Variants in AGPAT4 observed in about 807,000 individuals in gnomAD.
AGPAT4 encodes the protein 1-acylglycerol-3-phosphate O-acyltransferase 4.
AGPAT4 carries 15 observed loss-of-function variants against 48.0 expected under a neutral mutation model. The observed-to-expected ratio is 0.31, with a 90% CI of 0.21 to 0.48. The LOEUF is 0.48. Ranked by LOEUF, AGPAT4 falls within the 20% of genes least tolerant of loss-of-function variation. The pLI is 0.99. For synonymous variants in AGPAT4, 178 were observed against 198.7 expected (o/e 0.90, Z 0.88); for missense variants, 314 against 482.5 (o/e 0.65, Z 3.27).
Position 161,131,220 on chromosome 6 carries a change from C to G in AGPAT4, c.*5320G>C. ...AGTGAAAAGCTTTACTAACACAGCC[C>G]TGGGTGCTATTTCCAGATACTGAAA... is the stretch of plus-strand genomic sequence containing the variant. On this transcript the variant is annotated 3_prime_UTR_variant, in exon 9 of 9. Transcript: ENST00000320285. 4.4e-6 allele frequency: 1 copy of G among 228,560 alleles called. No homozygotes were observed. The highest frequency in any genetic ancestry group is 9.0e-6 in the Non-Finnish European group (1 of 110,890). 14.2% of individuals were successfully genotyped at this position (228,560 alleles called of 1,614,324 possible). A position where few individuals can be genotyped will look rare whatever the true frequency, so the allele number is the denominator to read the frequency against.
intron 1 of AGPAT4, among the ~76,000 whole-genome samples, chr6:161,253,316 G>A (rs4478381): frequency 0.17 from 25,070 of 148,858 alleles, 3,332 homozygotes; most frequent in African/African-American, 0.36. Context: ...GTGCAGTGGC[G>A]CAATCTCTGC....
In AGPAT4 at chr6:161,166,452, A is replaced by AT. The variant is rs1478484574; in HGVS notation, c.179-36dup. The AT allele has an allele frequency of 1.3e-6, 2 of 1,564,156 alleles. No homozygotes were observed. Among genetic ancestry groups the AT allele is most frequent in the South Asian group, 2.4e-5 (2 of 81,824 alleles). ...ACCACAACAGACAGATGTTTACTAC[A>AT]TGCAGCCTTGTCCTGGGAGCCCTGC... On this transcript the variant is annotated intron_variant, in intron 2 of 8. Coordinates refer to ENST00000320285, the MANE Select transcript of AGPAT4 (RefSeq NM_020133.3). This position sits in a 1 kb window ranked among gnomAD's most constrained non-coding sequence, Gnocchi z 6.7.
In AGPAT4 at chr6:161,204,544, T is replaced by A. The variant is rs1008860695; in HGVS notation, c.178+27492A>T. Among the ~76,000 whole-genome samples the A allele has an allele frequency of 6.6e-6, 1 of 152,196 alleles. No individual in the cohort carries two copies. Among genetic ancestry groups the A allele is most frequent in the Non-Finnish European group, 1.5e-5 (1 of 68,040 alleles). The stretch of plus-strand genomic sequence containing the variant: ...TTTATCCTTCAGCTGAAGACAATTA[T>A]CTAGAAACAGCACTGGATTCTTATT... On this transcript the variant is annotated intron_variant, in intron 2 of 8. Transcript: ENST00000320285. The surrounding 1 kb of genome is among the most constrained non-coding windows in gnomAD (Gnocchi z 4.4).
chr6:161,192,057 T>C (rs1780938843), intron 2 of AGPAT4, among the ~76,000 whole-genome samples: 1 of 150,588 alleles, frequency 6.6e-6, no homozygotes, highest in African/African-American at 2.5e-5. Flanking sequence ...TTTTGTCTCA[T>C]GTTTCCATGG....
rs1779250679 is a variant in AGPAT4, at chr6:161,141,574, T to C, written c.844-1954A>G. Reference sequence around the variant, plus strand: ...CTAGACAAGGGGGGTGATATTTTTGTGCCTTGTTTTTTTTTAAAAAAAAAA... The same window carrying C: ...CTAGACAAGGGGGGTGATATTTTTGCGCCTTGTTTTTTTTTAAAAAAAAAA... On this transcript the variant is annotated intron_variant, in intron 7 of 8. Coordinates refer to ENST00000320285, the MANE Select transcript of AGPAT4 (RefSeq NM_020133.3). This position sits in a 1 kb window ranked among gnomAD's most constrained non-coding sequence, Gnocchi z 6.7. 6.6e-6 allele frequency among the ~76,000 whole-genome samples: 1 copy of C among 151,506 alleles called. No individual in the cohort carries two copies. The highest frequency in any genetic ancestry group is 2.1e-4 in the South Asian group (1 of 4,812).
At chr6:161,194,999 C>A (rs1781033987) in intron 2 of AGPAT4, among the ~76,000 whole-genome samples, 1 of 152,112 alleles carries the variant, frequency 6.6e-6, no homozygotes, top group Non-Finnish European at 1.5e-5. Context: ...CCTTACTTGC[C>A]CCGGGAGAAG....
At position 161,240,221 on chromosome 6, in the gene AGPAT4, T is replaced by TACAC. The variant is rs58550351; in HGVS notation, c.-89-7923_-89-7920dup. On this transcript the variant is annotated intron_variant, in intron 1 of 8. Transcript: ENST00000320285. This position sits in a 1 kb window ranked among gnomAD's most constrained non-coding sequence, Gnocchi z 5.5. ...CACTAACAGCAGATATCTTTGTGTA[T>TACAC]ACACACACACACACACACACACACA... Among the ~76,000 whole-genome samples the TACAC allele has an allele frequency of 1.9e-3, 269 of 144,428 alleles. No individual in the cohort carries two copies. Among genetic ancestry groups the TACAC allele is most frequent in the South Asian group, 6.0e-3 (26 of 4,312 alleles). The allele number at this position is 144,428 out of a possible 152,430, so 94.8% of individuals were successfully genotyped here. A position where few individuals can be genotyped will look rare whatever the true frequency, so the allele number is the denominator to read the frequency against.
At position 161,236,278 on chromosome 6, in the gene AGPAT4, A is replaced by G. The variant is rs1562351294; in HGVS notation, c.-89-3976T>C. Among the ~76,000 whole-genome samples the G allele has an allele frequency of 6.6e-6, 1 of 152,170 alleles. No homozygotes were observed. Among genetic ancestry groups the G allele is most frequent in the African/African-American group, 2.4e-5 (1 of 41,432 alleles). ...GCTATGCCATATTTCTGCGAAAAAAAAAAAGATGTTTCTTACTATCAAGGC... is the reference window on the plus strand; with the variant it reads ...GCTATGCCATATTTCTGCGAAAAAAGAAAAGATGTTTCTTACTATCAAGGC... On this transcript the variant is annotated intron_variant, in intron 1 of 8. Transcript: ENST00000320285. This position sits in a 1 kb window ranked among gnomAD's most constrained non-coding sequence, Gnocchi z 5.0.
intron 5 of AGPAT4, 50 bp downstream of exon 5, chr6:161,153,296 T>A: frequency 6.4e-7 from 1 of 1,563,656 alleles, no homozygotes. Context: ...AGCTGGGGCT[T>A]GTCTTCCTCG....
At chr6:161,186,535 T>C (rs574812034) in intron 2 of AGPAT4, among the ~76,000 whole-genome samples, 4 of 152,104 alleles carry the variant, frequency 2.6e-5, no homozygotes, top group Non-Finnish European at 5.9e-5. Context: ...TCTCCAGCAC[T>C]GCCCTCCTTA....
At chr6:161,213,432 A>G (rs991265710) in intron 2 of AGPAT4, among the ~76,000 whole-genome samples, 2 of 152,152 alleles carry the variant, frequency 1.3e-5, no homozygotes, top group Non-Finnish European at 1.5e-5. Context: ...TACATTTTTC[A>G]ATTTTTATTA....
Position 161,166,346 on chromosome 6 carries a change from T to C in AGPAT4, c.250A>G (p.Lys84Glu). The change falls in exon 3 of 9, where the codon AAG becomes GAG. Residue 84 changes from lysine to glutamate, a missense_variant. Transcript: ENST00000320285. This position sits in a 1 kb window ranked among gnomAD's most constrained non-coding sequence, Gnocchi z 6.7. ...ACGATGGCATTTTCCTTCCCATACT[T>C]GAGGTAGGCGCGCGGGTCCGTGAAG... Reference protein sequence around the residue: ...TIFTDPRAYLKYGKENAIVVL... With the variant: ...TIFTDPRAYLEYGKENAIVVL... 1 of 1,614,116 alleles carries C rather than the reference T, an allele frequency of 6.2e-7. No individual in the cohort carries two copies. The highest frequency in any genetic ancestry group is 8.5e-7 in the Non-Finnish European group (1 of 1,180,014).
chr6:161,144,258 G>A lies in AGPAT4; in HGVS notation c.843+2266C>T, dbSNP rs149589276. 3.0e-4 allele frequency: 153 copies of A among 502,016 alleles called. No individual in the cohort carries two copies. The highest frequency in any genetic ancestry group is 2.5e-3 in the African/African-American group (127 of 51,102). The allele number at this position is 502,016 out of a possible 1,614,324, so 31.1% of individuals were successfully genotyped here. On this transcript the variant is annotated intron_variant, in intron 7 of 8. Transcript: ENST00000320285. The surrounding 1 kb of genome is among the most constrained non-coding windows in gnomAD (Gnocchi z 6.6). ...CATACTGCTTAGAGAACTCGGTGTC[G>A]CCCCAGCCCTGCACGGAGAGAGAAA...
In AGPAT4 at chr6:161,246,459, G is replaced by T. The variant is rs1473755567; in HGVS notation, c.-89-14157C>A. On this transcript the variant is annotated intron_variant, in intron 1 of 8. Coordinates refer to ENST00000320285, the MANE Select transcript of AGPAT4 (RefSeq NM_020133.3). This position sits in a 1 kb window ranked among gnomAD's most constrained non-coding sequence, Gnocchi z 5.5. The stretch of plus-strand genomic sequence containing the variant: ...AGTTTCACTCTTGTTGCCCAGGCTG[G>T]AGTGCAATGGAGTGATCTCAGCTCA... Among the ~76,000 whole-genome samples, 5 of 151,616 alleles carry T rather than the reference G, an allele frequency of 3.3e-5. No individual in the cohort carries two copies. The highest frequency in any genetic ancestry group is 1.2e-4 in the African/African-American group (5 of 41,188).
At chr6:161,173,076 C>A (rs2114985885) in intron 2 of AGPAT4, among the ~76,000 whole-genome samples, 1 of 152,320 alleles carries the variant, frequency 6.6e-6, no homozygotes, top group South Asian at 2.1e-4. Context: ...CAAGTCTTTG[C>A]TATTGTGAAT....
rs1317374088 is a variant in AGPAT4, at chr6:161,177,678, T to G, written c.179-11261A>C. 6.6e-6 allele frequency among the ~76,000 whole-genome samples: 1 copy of G among 152,218 alleles called. No individual in the cohort carries two copies. Among genetic ancestry groups the G allele is most frequent in the African/African-American group, 2.4e-5 (1 of 41,460 alleles). On this transcript the variant is annotated intron_variant, in intron 2 of 8. Coordinates refer to ENST00000320285, the MANE Select transcript of AGPAT4 (RefSeq NM_020133.3). The surrounding 1 kb of genome is among the most constrained non-coding windows in gnomAD (Gnocchi z 5.0). ...TGTCAAAGTCATTCTCCGTCCAGCT[T>G]TCTTCCATTGCTGCGAGGAGCTGCA...
rs1778873254 is a variant in AGPAT4 at position 161,130,702 on chromosome 6, C to G, written c.*5838G>C. The G allele has an allele frequency of 2.8e-6, 1 of 354,840 alleles. No individual in the cohort carries two copies. The highest frequency in any genetic ancestry group is 5.8e-6 in the Non-Finnish European group (1 of 173,074). The allele number at this position is 354,840 out of a possible 1,614,324, so 22.0% of individuals were successfully genotyped here. A position where few individuals can be genotyped will look rare whatever the true frequency, so the allele number is the denominator to read the frequency against. ...GTTGACTGTGGGCGGCCTGGGCCAG[C>G]CTTGCTGTGTTTGCCTCAGATGCGA... On this transcript the variant is annotated 3_prime_UTR_variant, in exon 9 of 9. Transcript: ENST00000320285.
At chr6:161,145,700 C>T (rs887916620) in intron 7 of AGPAT4, among the ~76,000 whole-genome samples, 2 of 151,640 alleles carry the variant, frequency 1.3e-5, no homozygotes, top group Non-Finnish European at 2.9e-5. Flanking sequence ...GGGTAATTCT[C>T]TCCTTTGAGA....
chr6:161,139,302 C>G lies in AGPAT4; in HGVS notation c.1042+120G>C. The G allele has an allele frequency of 1.8e-6, 2 of 1,133,216 alleles. No individual in the cohort carries two copies. The highest frequency in any genetic ancestry group is 3.0e-5 in the South Asian group (2 of 67,428). The allele number at this position is 1,133,216 out of a possible 1,614,324, so 70.2% of individuals were successfully genotyped here. A position where few individuals can be genotyped will look rare whatever the true frequency, so the allele number is the denominator to read the frequency against. ...TCTAATCTTTCCCTGTGATTGCAAG[C>G]TGAGCCTGCTCCTCATCCACGGCAC... On this transcript the variant is annotated intron_variant, in intron 8 of 8. Transcript: ENST00000320285. This position sits in a 1 kb window ranked among gnomAD's most constrained non-coding sequence, Gnocchi z 9.1.
Sources: gnomAD v4.1 joint callset for allele counts (sites outside exome capture counted in the v4.1 genomes callset) on GRCh38, gnomAD v4.1.1 for gene constraint, Gnocchi (gnomAD v3.1) non-coding constraint, MANE v1.5 for transcripts, NCBI Gene and HGNC (gene_info 2026-07-23, HGNC 2026-07-21) for gene names.